HDAC2: variants seen among roughly 807,000 people sequenced by gnomAD.
HDAC2 encodes the protein histone deacetylase 2, also known as YY1-associated factor 1.
Under a neutral mutation model 68.5 loss-of-function variants are expected in HDAC2, and 5 were observed. That is an observed-to-expected ratio of 0.07 (90% CI 0.04 to 0.15). The LOEUF (loss-of-function observed/expected upper bound fraction) is 0.15, where lower values mean the gene tolerates loss of function less well. Ranked by LOEUF, HDAC2 falls within the 10% of genes least tolerant of loss-of-function variation. HDAC2 has a pLI of 1.00. For synonymous variants in HDAC2, 182 were observed against 191.3 expected (o/e 0.95, Z 0.40); for missense variants, 291 against 600.8 (o/e 0.48, Z 5.39).
At chr6:113,947,328 G>C (rs1294759721) in intron 8 of HDAC2, 6 of 152,092 alleles carry the variant, frequency 3.9e-5, no homozygotes, top group Non-Finnish European at 8.8e-5. Flanking sequence ...ACAAGAGGAA[G>C]AACATAGCTG....
chr6:113,936,598 A>C lies in HDAC2; in HGVS notation c.*4460T>G, dbSNP rs974140289. 2.0e-5 allele frequency: 3 copies of C among 152,320 alleles called. No individual in the cohort carries two copies. Among genetic ancestry groups the C allele is most frequent in the East Asian group, 3.9e-4 (2 of 5,170 alleles). The allele number at this position is 152,320 out of a possible 1,614,324, so 9.4% of individuals were successfully genotyped here. A position where few individuals can be genotyped will look rare whatever the true frequency, so the allele number is the denominator to read the frequency against. The stretch of plus-strand genomic sequence containing the variant: ...TCACACTAGTAGGCATCAAACTGCA[A>C]TAAAAGGCTCAGATACAACCCATCT... On this transcript the variant is annotated 3_prime_UTR_variant, in exon 14 of 14. Transcript: ENST00000519065.
At position 113,935,031 on chromosome 6, in the gene HDAC2, T is replaced by C. The variant is rs1582470029; in HGVS notation, c.*6027A>G. ...ACGGAAATTAGAAATCTAGCCTTTT[T>C]AAGAATATAACTTTGGAAATACTGG... On this transcript the variant is annotated 3_prime_UTR_variant, in exon 14 of 14. Transcript: ENST00000519065. The C allele has an allele frequency of 6.6e-6, 1 of 152,194 alleles. No homozygotes were observed. Among genetic ancestry groups the C allele is most frequent in the East Asian group, 1.9e-4 (1 of 5,188 alleles). 9.4% of individuals were successfully genotyped at this position (152,194 alleles called of 1,614,324 possible).
rs1348846007 is a variant in HDAC2, at chr6:113,939,720, AAG to A, written c.*1336_*1337del. The A allele has an allele frequency of 1.3e-5, 2 of 152,136 alleles. No individual in the cohort carries two copies. Among genetic ancestry groups the A allele is most frequent in the Non-Finnish European group, 2.9e-5 (2 of 68,010 alleles). 9.4% of individuals were successfully genotyped at this position (152,136 alleles called of 1,614,324 possible). On this transcript the variant is annotated 3_prime_UTR_variant, in exon 14 of 14. Transcript: ENST00000519065. ...AGGATTACAAACGACAAAGTACACA[AAG>A]AGAGCTTCAATTTCGGTGTATTTTA...
Position 113,971,024 on chromosome 6 carries a change from T to G in HDAC2, c.-116A>C, listed in dbSNP as rs1329571580. 1 of 1,575,094 alleles carries G rather than the reference T, an allele frequency of 6.3e-7. No individual in the cohort carries two copies. Among genetic ancestry groups the G allele is most frequent in the South Asian group, 1.1e-5 (1 of 86,996 alleles). ...GCTGAGGGAAACGTGGGGGCGATAG[T>G]CCCGCGGGGAAGGGCAGGCCGGTGG... On this transcript the variant is annotated 5_prime_UTR_variant, in exon 1 of 14. Coordinates refer to ENST00000519065, the MANE Select transcript of HDAC2 (RefSeq NM_001527.4).
At chr6:113,969,328 AAAT>A (rs1776916883) in intron 1 of HDAC2, among the ~76,000 whole-genome samples, 1 of 152,240 alleles carries the variant, frequency 6.6e-6, no homozygotes, top group Non-Finnish European at 1.5e-5. Context: ...GATTTTCCCC[AAAT>A]GACACAGGTG....
intron 4 of HDAC2, 182 bp downstream of exon 4, chr6:113,956,437 C>A: frequency 1.7e-6 from 1 of 583,312 alleles, no homozygotes; most frequent in Non-Finnish European, 3.0e-6. Context: ...GTTTAAAAAG[C>A]GTTTAAGTCA....
chr6:113,953,692 AAT>A (rs1438763181), intron 5 of HDAC2, among the ~76,000 whole-genome samples: 1 of 152,230 alleles, frequency 6.6e-6, no homozygotes, highest in East Asian at 1.9e-4. Flanking sequence ...ACATATTTCT[AAT>A]ATATTAAAAA....
rs146337094 is a variant in HDAC2 at position 113,964,207 on chromosome 6, C to T, written c.53-4189G>A. Among the ~76,000 whole-genome samples, 1,050 of 151,548 alleles carry T rather than the reference C, an allele frequency of 6.9e-3. 7 individuals are homozygous for T. The highest frequency in any genetic ancestry group is 0.012 in the Non-Finnish European group (840 of 67,912). On this transcript the variant is annotated intron_variant, in intron 1 of 13. Coordinates refer to ENST00000519065, the MANE Select transcript of HDAC2 (RefSeq NM_001527.4). ...TTTCAGGTCATTTTGGATTTCAGAACTGTGAAATGTACCTTTAGCCACAAA... is the reference window on the plus strand; with the variant it reads ...TTTCAGGTCATTTTGGATTTCAGAATTGTGAAATGTACCTTTAGCCACAAA...
At chr6:113,941,385 C>T (rs1442697910) in intron 13 of HDAC2, among the ~76,000 whole-genome samples, 2 of 151,958 alleles carry the variant, frequency 1.3e-5, no homozygotes, top group African/African-American at 4.8e-5. Flanking sequence ...ACCTATCTCA[C>T]AACACTAAAA....
intron 1 of HDAC2, among the ~76,000 whole-genome samples, chr6:113,964,526 G>A (rs965393891): frequency 6.6e-6 from 1 of 152,160 alleles, no homozygotes; most frequent in Non-Finnish European, 1.5e-5. Context: ...AGCCTACCAT[G>A]TGCCAAGCAG....
At chr6:113,964,264 A>G (rs1468036696) in intron 1 of HDAC2, among the ~76,000 whole-genome samples, 1 of 152,050 alleles carries the variant, frequency 6.6e-6, no homozygotes. Context: ...GACTCAGGAA[A>G]AAAAAAACAA....
chr6:113,965,667 G>T (rs934830760), intron 1 of HDAC2, among the ~76,000 whole-genome samples: 1 of 152,150 alleles, frequency 6.6e-6, no homozygotes, highest in Non-Finnish European at 1.5e-5. Context: ...CACTGCACCC[G>T]GCCCCCTCTC....
At chr6:113,954,275 C>T (rs1776493887) in intron 5 of HDAC2, among the ~76,000 whole-genome samples, 1 of 152,214 alleles carries the variant, frequency 6.6e-6, no homozygotes, top group Admixed American at 6.5e-5. Flanking sequence ...GGTGCCATAA[C>T]TGTGCTAAAT....
In HDAC2 at chr6:113,970,917, C is replaced by G. The variant is rs1382622366; in HGVS notation, c.-9G>C. 6.5e-7 allele frequency: 1 copy of G among 1,550,352 alleles called. No homozygotes were observed. The highest frequency in any genetic ancestry group is 1.2e-5 in the South Asian group (1 of 84,180). On this transcript the variant is annotated 5_prime_UTR_variant, in exon 1 of 14. Coordinates refer to ENST00000519065, the MANE Select transcript of HDAC2 (RefSeq NM_001527.4). ...CCTTGACTGTACGCCATGGGCTCCC[C>G]GGCCACCGCCGCCACCGGGCTCCTC...
chr6:113,960,239 T>C (rs1231054640), intron 1 of HDAC2, among the ~76,000 whole-genome samples: 1 of 152,086 alleles, frequency 6.6e-6, no homozygotes, highest in East Asian at 1.9e-4. Flanking sequence ...CACATTATAT[T>C]TATTTGTAGA....
rs1776643501 is a variant in HDAC2, at chr6:113,960,028, A to G, written c.53-10T>C. On this transcript the variant is annotated splice_polypyrimidine_tract_variant and intron_variant, in intron 1 of 13. Coordinates refer to ENST00000519065, the MANE Select transcript of HDAC2 (RefSeq NM_001527.4). ...TAATTTCCAATATCACCTAAAATAG[A>G]AAAGACACAAACTAAACAATACAGA... is the stretch of plus-strand genomic sequence containing the variant. 1 of 1,252,530 alleles carries G rather than the reference A, an allele frequency of 8.0e-7. No homozygotes were observed. The highest frequency in any genetic ancestry group is 1.2e-6 in the Non-Finnish European group (1 of 850,710). 77.6% of individuals were successfully genotyped at this position (1,252,530 alleles called of 1,614,324 possible).
rs1486871242 is a variant in HDAC2, at chr6:113,935,958, A to G, written c.*5100T>C. 1 of 152,208 alleles carries G rather than the reference A, an allele frequency of 6.6e-6. No individual in the cohort carries two copies. The allele number at this position is 152,208 out of a possible 1,614,324, so 9.4% of individuals were successfully genotyped here. On this transcript the variant is annotated 3_prime_UTR_variant, in exon 14 of 14. Coordinates refer to ENST00000519065, the MANE Select transcript of HDAC2 (RefSeq NM_001527.4). The stretch of plus-strand genomic sequence containing the variant: ...TAGAAATAAATTTCAATTCTTTCCC[A>G]TTCTGTATACTAACTGATTCTTACC...
At chr6:113,957,685 G>C (rs1776589434) in intron 3 of HDAC2, among the ~76,000 whole-genome samples, 1 of 151,968 alleles carries the variant, frequency 6.6e-6, no homozygotes. Flanking sequence ...ACAGGGTTTT[G>C]CCATGTTGGC....
rs373806154 is a variant in HDAC2 at position 113,948,946 on chromosome 6, T to G, written c.841+33A>C. 2.3e-4 allele frequency: 365 copies of G among 1,602,166 alleles called. 1 individual carries two copies. In the African/African-American group the frequency reaches 3.0e-3, roughly 13 times the overall value. ...TTCTTGGGTGGAAGAAAAACCATTT[T>G]TTTCTGGAAATACCACCCTTTGAAT... On this transcript the variant is annotated intron_variant, in intron 8 of 13. Coordinates refer to ENST00000519065, the MANE Select transcript of HDAC2 (RefSeq NM_001527.4).
Sources: allele counts gnomAD v4.1 joint callset (sites outside exome capture counted in the v4.1 genomes callset), GRCh38; gene constraint gnomAD v4.1.1; transcripts MANE v1.5; gene names NCBI Gene and HGNC (gene_info 2026-07-23, HGNC 2026-07-21).